CDKAL1: variants seen among roughly 807,000 people sequenced by gnomAD.
CDKAL1 encodes threonylcarbamoyladenosine tRNA methylthiotransferase.
CDKAL1 carries 32 observed loss-of-function variants against 68.2 expected under a neutral mutation model. That is an observed-to-expected ratio of 0.47 (90% CI 0.35 to 0.63). CDKAL1 has a LOEUF of 0.63. CDKAL1 is among the 30% of genes least tolerant of loss of function. The pLI is 0.00. For missense variants in CDKAL1, 606 were observed against 696.7 expected (o/e 0.87, Z 1.47); for synonymous variants, 234 against 244.3 (o/e 0.96, Z 0.39).
intron 7 of CDKAL1, among the ~76,000 whole-genome samples, chr6:20,777,035 G>A (rs1171059458): frequency 6.6e-6 from 1 of 152,186 alleles, no homozygotes; most frequent in Non-Finnish European, 1.5e-5. Flanking sequence ...GACATGTTTG[G>A]TGCAAGCAAT....
chr6:20,977,096 A>G (rs1765880555), intron 10 of CDKAL1, among the ~76,000 whole-genome samples: 1 of 152,164 alleles, frequency 6.6e-6, no homozygotes, highest in South Asian at 2.1e-4. Context: ...CTGCTATTCT[A>G]TTAAATAGAT....
intron 5 of CDKAL1, among the ~76,000 whole-genome samples, chr6:20,653,478 C>G (rs1304249333): frequency 2.0e-5 from 3 of 152,054 alleles, no homozygotes; most frequent in African/African-American, 7.2e-5. Context: ...TTGAGACAGG[C>G]TCTCACCCTG....
chr6:21,049,804 G>T (rs1217197681), intron 11 of CDKAL1, among the ~76,000 whole-genome samples: 1 of 149,616 alleles, frequency 6.7e-6, no homozygotes, highest in Non-Finnish European at 1.5e-5. Flanking sequence ...ATCTCATCCA[G>T]TTGTCTCTCA....
chr6:21,092,037 C>T (rs1186623606), intron 12 of CDKAL1, among the ~76,000 whole-genome samples: 2 of 151,448 alleles, frequency 1.3e-5, no homozygotes, highest in Non-Finnish European at 2.9e-5. Context: ...CAGGCGCCCG[C>T]CACTACGCCT....
intron 5 of CDKAL1, among the ~76,000 whole-genome samples, chr6:20,660,654 G>T (rs1769244251): frequency 6.6e-6 from 1 of 152,172 alleles, no homozygotes; most frequent in Admixed American, 6.5e-5. Flanking sequence ...AAAGCATCAT[G>T]TCTTGAGTGA....
Position 21,231,105 on chromosome 6 carries a change from A to C in CDKAL1, c.*66A>C, listed in dbSNP as rs1204177686. 7.8e-7 allele frequency: 1 copy of C among 1,281,366 alleles called. No homozygotes were observed. The highest frequency in any genetic ancestry group is 1.1e-6 in the Non-Finnish European group (1 of 919,972). 79.4% of individuals were successfully genotyped at this position (1,281,366 alleles called of 1,614,324 possible). A position where few individuals can be genotyped will look rare whatever the true frequency, so the allele number is the denominator to read the frequency against. ...CTAATTAAAATCTTCAATGAACAGG[A>C]AAGCGACATCTCCATTCTCCAAGGG... On this transcript the variant is annotated 3_prime_UTR_variant, in exon 16 of 16. Transcript: ENST00000274695.
At chr6:21,109,576 A>G (rs1249206675) in intron 13 of CDKAL1, among the ~76,000 whole-genome samples, 2 of 152,262 alleles carry the variant, frequency 1.3e-5, no homozygotes, top group African/African-American at 4.8e-5. Context: ...ACTAAAACTT[A>G]TATCATTCCA....
chr6:21,194,602 T>A (rs546413737), intron 13 of CDKAL1, among the ~76,000 whole-genome samples: 1 of 152,346 alleles, frequency 6.6e-6, no homozygotes, highest in African/African-American at 2.4e-5. Flanking sequence ...TGTTTGGATA[T>A]GGCAAGCCAG....
intron 13 of CDKAL1, among the ~76,000 whole-genome samples, chr6:21,155,484 G>A (rs945529351): frequency 6.6e-6 from 1 of 152,162 alleles, no homozygotes; most frequent in Non-Finnish European, 1.5e-5. Context: ...AGGAGCGCCT[G>A]GAGAAGCCTA....
intron 13 of CDKAL1, among the ~76,000 whole-genome samples, chr6:21,142,245 A>G (rs1468865724): frequency 1.3e-5 from 2 of 151,484 alleles, no homozygotes; most frequent in African/African-American, 4.9e-5. Flanking sequence ...GCAAGCAGGT[A>G]GAACAGGGTC....
chr6:20,757,210 T>C (rs1453006019), intron 6 of CDKAL1, among the ~76,000 whole-genome samples: 1 of 152,100 alleles, frequency 6.6e-6, no homozygotes, highest in Non-Finnish European at 1.5e-5. Flanking sequence ...GCTGGAATTA[T>C]AGGCATGAAC....
At chr6:21,203,915 G>T (rs1778794725) in intron 15 of CDKAL1, among the ~76,000 whole-genome samples, 1 of 152,070 alleles carries the variant, frequency 6.6e-6, no homozygotes, top group African/African-American at 2.4e-5. Context: ...GATTAGAAGG[G>T]TGTTATCAAA....
intron 5 of CDKAL1, among the ~76,000 whole-genome samples, chr6:20,650,264 C>T (rs576662708): frequency 6.0e-4 from 92 of 152,240 alleles, no homozygotes; most frequent in African/African-American, 2.2e-3. Flanking sequence ...TTCTGACTGG[C>T]GTGAAATGGT....
chr6:20,696,994 G>A (rs1771136373), intron 5 of CDKAL1, among the ~76,000 whole-genome samples: 1 of 152,088 alleles, frequency 6.6e-6, no homozygotes, highest in South Asian at 2.1e-4. Context: ...ACTACTGAGT[G>A]ATAATCTGAC....
intron 8 of CDKAL1, among the ~76,000 whole-genome samples, chr6:20,809,043 A>G (rs1032620883): frequency 5.3e-5 from 8 of 152,216 alleles, no homozygotes; most frequent in African/African-American, 1.9e-4. Flanking sequence ...TGGCTCTATT[A>G]ATATTGCTTG....
intron 4 of CDKAL1, among the ~76,000 whole-genome samples, chr6:20,633,033 GGTTTTTGTTTTT>G (rs112812803): frequency 6.6e-6 from 1 of 152,068 alleles, no homozygotes; most frequent in Non-Finnish European, 1.5e-5. Flanking sequence ...CTTACCTCTA[GGTTTTTGTTTTT>G]GTTTTTGTTT....
At chr6:20,875,674 C>T (rs968923612) in intron 9 of CDKAL1, among the ~76,000 whole-genome samples, 1 of 149,224 alleles carries the variant, frequency 6.7e-6, no homozygotes, top group Admixed American at 6.7e-5. Context: ...ATTACCTTCA[C>T]TAATGAAAAA....
rs539940184 is a variant in CDKAL1 at position 21,170,535 on chromosome 6, G to T, written c.1300-27486G>T. ...AGTAGAGACAGGGTTTCACTATCTT[G>T]GCCAGGCTGGTCTTGAATTCCTGAC... On this transcript the variant is annotated intron_variant, in intron 13 of 15. Transcript: ENST00000274695. 1.5e-3 allele frequency among the ~76,000 whole-genome samples: 223 copies of T among 152,104 alleles called. 1 individual carries two copies. Among genetic ancestry groups the T allele is most frequent in the South Asian group, 2.7e-3 (13 of 4,794 alleles).
chr6:20,702,091 G>A (rs1419725326), intron 5 of CDKAL1, among the ~76,000 whole-genome samples: 2 of 152,164 alleles, frequency 1.3e-5, no homozygotes, highest in African/African-American at 2.4e-5. Flanking sequence ...CCCTACTCCT[G>A]TGCTGTTTGG....
Sources: allele counts gnomAD v4.1 joint callset (sites outside exome capture counted in the v4.1 genomes callset), GRCh38; gene constraint gnomAD v4.1.1; transcripts MANE v1.5; gene names NCBI Gene and HGNC (gene_info 2026-07-23, HGNC 2026-07-21).